The following NFIB variants were observed in gnomAD, a reference collection of about 807,000 sequenced individuals.
NFIB encodes nuclear factor 1 B-type.
A neutral mutation model predicts 61.5 loss-of-function variants in NFIB; 11 were observed. The ratio of observed to expected loss-of-function variants is 0.18; its 90% CI spans 0.11 to 0.30. The LOEUF (loss-of-function observed/expected upper bound fraction) is 0.30, where lower values mean the gene tolerates loss of function less well. Ranked by LOEUF, NFIB falls within the 10% of genes least tolerant of loss-of-function variation. The pLI is 1.00. For synonymous variants in NFIB, 260 were observed against 216.5 expected (o/e 1.20, Z -1.76); for missense variants, 471 against 608.9 (o/e 0.77, Z 2.38).
At chr9:14,094,013 A>G (rs1287915825) in intron 10 of NFIB, among the ~76,000 whole-genome samples, 1 of 152,092 alleles carries the variant, frequency 6.6e-6, no homozygotes, top group Non-Finnish European at 1.5e-5. Context: ...CTCATAACAA[A>G]TCTATGAGAA....
At chr9:14,431,428 C>A in the NFIB span, among the ~76,000 whole-genome samples, 1 of 152,250 alleles carries the variant, frequency 6.6e-6, no homozygotes, top group South Asian at 2.1e-4. Flanking sequence ...TCTAGAGAGT[C>A]TATCAATGGA....
intron 2 of NFIB, among the ~76,000 whole-genome samples, chr9:14,297,163 G>C (rs1021989624): frequency 6.6e-6 from 1 of 152,188 alleles, no homozygotes; most frequent in Admixed American, 6.5e-5. Flanking sequence ...AAACTAAAGA[G>C]ATTTTTAAAT....
chr9:14,139,887 G>A (rs922110179), intron 6 of NFIB, among the ~76,000 whole-genome samples: 1 of 152,158 alleles, frequency 6.6e-6, no homozygotes, highest in East Asian at 1.9e-4. Flanking sequence ...CCTCTTCAGG[G>A]TGGAAGCATC....
chr9:14,254,125 A>G (rs778016296), intron 2 of NFIB, among the ~76,000 whole-genome samples: 7 of 152,026 alleles, frequency 4.6e-5, no homozygotes, highest in Non-Finnish European at 1.0e-4. Context: ...AACATAGCAA[A>G]ACCCCATTCT....
intron 6 of NFIB, among the ~76,000 whole-genome samples, chr9:14,140,243 A>C (rs2041532863): frequency 6.6e-6 from 1 of 152,164 alleles, no homozygotes; most frequent in Non-Finnish European, 1.5e-5. Flanking sequence ...CTAGGACTTC[A>C]TTTAATGTTA....
chr9:14,508,336 C>G, the NFIB span, among the ~76,000 whole-genome samples: 1 of 152,088 alleles, frequency 6.6e-6, no homozygotes, highest in Non-Finnish European at 1.5e-5. Context: ...TGCCTAGATG[C>G]CCCTCTTTCA....
chr9:14,283,500 T>C (rs1389351278), intron 2 of NFIB, among the ~76,000 whole-genome samples: 1 of 152,218 alleles, frequency 6.6e-6, no homozygotes, highest in Non-Finnish European at 1.5e-5. Flanking sequence ...GTCTAGCATC[T>C]TGACTGAAAG....
chr9:14,328,610 C>T (rs1444289937), intron 1 of NFIB, among the ~76,000 whole-genome samples: 2 of 151,864 alleles, frequency 1.3e-5, no homozygotes, highest in African/African-American at 4.8e-5. Context: ...GTGCATATAT[C>T]TGGTATCTGC....
chr9:14,188,654 T>A (rs925718788), intron 2 of NFIB, among the ~76,000 whole-genome samples: 6 of 152,238 alleles, frequency 3.9e-5, no homozygotes, highest in Admixed American at 6.5e-5. Flanking sequence ...CGCCACTGCG[T>A]ACTTTGAGGA....
chr9:14,180,633 T>C (rs1268813983), intron 2 of NFIB: 1 of 152,272 alleles, frequency 6.6e-6, no homozygotes, highest in African/African-American at 2.4e-5. Context: ...ATCTGTGTCA[T>C]TTGCCCCATA....
intron 2 of NFIB, among the ~76,000 whole-genome samples, chr9:14,265,809 A>G (rs376954871): frequency 1.4e-4 from 22 of 152,326 alleles, no homozygotes; most frequent in African/African-American, 4.8e-4. Flanking sequence ...AGTGTAGTGG[A>G]GAGAAAGAGT....
intron 3 of NFIB, among the ~76,000 whole-genome samples, chr9:14,162,548 T>TA (rs1734214430): frequency 6.6e-6 from 1 of 152,114 alleles, no homozygotes; most frequent in East Asian, 1.9e-4. Flanking sequence ...TTTTTGTATT[T>TA]TATTTGTCAA....
the NFIB span, among the ~76,000 whole-genome samples, chr9:14,453,872 G>A: frequency 6.6e-6 from 1 of 151,976 alleles, no homozygotes; most frequent in African/African-American, 2.4e-5. Flanking sequence ...CACAGGGTCA[G>A]GAGATCGAGA....
At chr9:14,152,145 T>C (rs988333414) in intron 4 of NFIB, among the ~76,000 whole-genome samples, 9 of 152,096 alleles carry the variant, frequency 5.9e-5, no homozygotes, top group Non-Finnish European at 1.3e-4. Flanking sequence ...AAAAATTAAA[T>C]ACATCAGTAT....
intron 1 of NFIB, among the ~76,000 whole-genome samples, chr9:14,372,958 G>A (rs1394504917): frequency 6.6e-6 from 1 of 151,332 alleles, no homozygotes; most frequent in Non-Finnish European, 1.5e-5. Context: ...TTAGATATGA[G>A]CAAGCATCCC....
chr9:14,352,619 T>C lies in NFIB; in HGVS notation c.109-45099A>G, dbSNP rs1004284148. 3.9e-5 allele frequency among the ~76,000 whole-genome samples: 6 copies of C among 152,238 alleles called. No individual in the cohort carries two copies. In the East Asian group the frequency reaches 7.7e-4, roughly 20 times the overall value. ...ATTGGACAAGCAAGTGTTTCCATGC[T>C]CTGTCACCCGGGCCCTCAGTGCTGT... On this transcript the variant is annotated intron_variant, in intron 1 of 8. Coordinates refer to the NFIB transcript ENST00000380934.
chr9:14,366,455 T>C (rs1170681353), intron 1 of NFIB, among the ~76,000 whole-genome samples: 1 of 152,154 alleles, frequency 6.6e-6, no homozygotes, highest in African/African-American at 2.4e-5. Context: ...TTCCTTTCTG[T>C]AACCTTCTGA....
intron 3 of NFIB, among the ~76,000 whole-genome samples, chr9:14,170,465 G>C (rs1310599795): frequency 6.6e-6 from 1 of 152,112 alleles, no homozygotes; most frequent in African/African-American, 2.4e-5. Context: ...AACATAGCAA[G>C]GCTCTGTCTC....
chr9:14,292,613 A>G (rs1297868260), intron 2 of NFIB, among the ~76,000 whole-genome samples: 1 of 152,188 alleles, frequency 6.6e-6, no homozygotes, highest in Non-Finnish European at 1.5e-5. Flanking sequence ...TGACAGATAC[A>G]GAAACTGAGT....
Sources: gnomAD v4.1 joint callset for allele counts (sites outside exome capture counted in the v4.1 genomes callset) on GRCh38, gnomAD v4.1.1 for gene constraint, MANE v1.5 for transcripts, NCBI Gene and HGNC (gene_info 2026-07-23, HGNC 2026-07-21) for gene names.